Variants in TIAM1 observed in about 807,000 individuals in gnomAD.
The protein encoded by TIAM1 is TIAM Rac1 associated GEF 1, also known as rho guanine nucleotide exchange factor TIAM1.
Under a neutral mutation model 163.5 loss-of-function variants are expected in TIAM1, and 65 were observed. That is an observed-to-expected ratio of 0.40 (90% CI 0.33 to 0.49). The LOEUF (loss-of-function observed/expected upper bound fraction) is 0.49, where lower values mean the gene tolerates loss of function less well. TIAM1 is among the 20% of genes least tolerant of loss of function. The pLI, the probability that TIAM1 is intolerant of heterozygous loss-of-function variation, is 0.77. For missense variants in TIAM1, 1,789 were observed against 2,044.7 expected (o/e 0.87, Z 2.41); for synonymous variants, 833 against 810.1 (o/e 1.03, Z -0.48).
chr21:31,451,610 T>C (rs1433239797), intron 2 of TIAM1, among the ~76,000 whole-genome samples: 2 of 151,936 alleles, frequency 1.3e-5, no homozygotes, highest in Non-Finnish European at 2.9e-5. Flanking sequence ...ACAGACAAGC[T>C]CCAAACCAAC....
chr21:31,368,047 CAA>C (rs2076530354), intron 2 of TIAM1, among the ~76,000 whole-genome samples: 1 of 152,108 alleles, frequency 6.6e-6, no homozygotes, highest in African/African-American at 2.4e-5. Flanking sequence ...AACTTCATAC[CAA>C]GTTTCACTTT....
intron 6 of TIAM1, among the ~76,000 whole-genome samples, chr21:31,227,582 A>G (rs2088062063): frequency 6.6e-6 from 1 of 151,938 alleles, no homozygotes; most frequent in South Asian, 2.1e-4. Context: ...CACTTTGTAA[A>G]GACTGAGTGG....
chr21:31,346,271 T>C (rs556074207), upstream of TIAM1, among the ~76,000 whole-genome samples: 1 of 152,274 alleles, frequency 6.6e-6, no homozygotes, highest in South Asian at 2.1e-4. Flanking sequence ...ATCTATTCCA[T>C]ATAGCATCAT....
chr21:31,433,785 T>A (rs1326368124), intron 2 of TIAM1, among the ~76,000 whole-genome samples: 1 of 152,192 alleles, frequency 6.6e-6, no homozygotes, highest in Non-Finnish European at 1.5e-5. Flanking sequence ...TAACTGAACC[T>A]TAATATTTCT....
chr21:31,256,405 G>C (rs765967081), intron 4 of TIAM1, among the ~76,000 whole-genome samples: 4 of 152,092 alleles, frequency 2.6e-5, no homozygotes, highest in Admixed American at 6.6e-5. Context: ...GATAGATCCA[G>C]CTTGAATACA....
intron 15 of TIAM1, among the ~76,000 whole-genome samples, chr21:31,166,881 A>C (rs1779855248): frequency 6.6e-6 from 1 of 152,178 alleles, no homozygotes; most frequent in African/African-American, 2.4e-5. Flanking sequence ...GAACCACAGC[A>C]TCCTCAGTGG....
chr21:31,440,309 G>A (rs1232708186), intron 2 of TIAM1, among the ~76,000 whole-genome samples: 1 of 152,116 alleles, frequency 6.6e-6, no homozygotes, highest in Non-Finnish European at 1.5e-5. Context: ...TATAATTTCA[G>A]TGTGCTCAAA....
Position 31,217,622 on chromosome 21 carries a change from GCTCCTT to G in TIAM1, c.2067_2072del (p.Ser691_Arg692del). The G allele has an allele frequency of 1.2e-6, 2 of 1,614,066 alleles. No homozygotes were observed. The highest frequency in any genetic ancestry group is 8.5e-7 in the Non-Finnish European group (1 of 1,180,002). On this transcript the variant is annotated inframe_deletion, in exon 9 of 28. Coordinates refer to ENST00000541036, the MANE Select transcript of TIAM1 (RefSeq NM_001353694.2). Reference sequence around the variant, plus strand: ...CCAGACCCCACAGAGAAGAAAACCTGCTCCTTCGCTTGCTCGCGGATCTGGACATGG... The same window carrying G: ...CCAGACCCCACAGAGAAGAAAACCTGCGCTTGCTCGCGGATCTGGACATGG...
intron 9 of TIAM1, among the ~76,000 whole-genome samples, chr21:31,216,258 C>G (rs2087203250): frequency 6.6e-6 from 1 of 152,220 alleles, no homozygotes; most frequent in Non-Finnish European, 1.5e-5. Flanking sequence ...AATCTCTTTT[C>G]TAAAATTCAT....
chr21:31,195,674 AATAAG>A (rs1308649511), intron 12 of TIAM1, among the ~76,000 whole-genome samples: 2 of 152,230 alleles, frequency 1.3e-5, no homozygotes, highest in African/African-American at 4.8e-5. Context: ...AATTCATGGA[AATAAG>A]ATAAATCTCT....
At chr21:31,332,043 T>A (rs2075692988) in intron 2 of TIAM1, among the ~76,000 whole-genome samples, 1 of 152,224 alleles carries the variant, frequency 6.6e-6, no homozygotes. Flanking sequence ...CAAAATGGTA[T>A]ATTTTCCCAT....
At chr21:31,554,670 G>C (rs778965060) in intron 1 of TIAM1, among the ~76,000 whole-genome samples, 2 of 152,206 alleles carry the variant, frequency 1.3e-5, no homozygotes, top group African/African-American at 4.8e-5. Context: ...TCTGAAAGCA[G>C]ACAATTGATC....
At position 31,256,624 on chromosome 21, in the gene TIAM1, C is replaced by CG. The variant is rs1569115764; in HGVS notation, c.964-4436_964-4435insC. 1.7e-3 allele frequency among the ~76,000 whole-genome samples: 253 copies of CG among 149,522 alleles called. 2 individuals carry two copies. Among genetic ancestry groups the CG allele is most frequent in the African/African-American group, 6.1e-3 (242 of 39,402 alleles). ...ACACACACACACACACACACACACA[C>CG]ACACGTATATTATCTTTGGCTCTCA... On this transcript the variant is annotated intron_variant, in intron 4 of 27. Transcript: ENST00000541036.
chr21:31,233,889 C>G (rs1235760750), intron 6 of TIAM1, among the ~76,000 whole-genome samples: 2 of 152,182 alleles, frequency 1.3e-5, no homozygotes, highest in Non-Finnish European at 2.9e-5. Flanking sequence ...CAGATGGCAG[C>G]CTGCCTGAGG....
At chr21:31,240,257 C>T (rs184984283) in intron 6 of TIAM1, among the ~76,000 whole-genome samples, 2 of 152,266 alleles carry the variant, frequency 1.3e-5, no homozygotes, top group East Asian at 1.9e-4. Flanking sequence ...AAGAGCCATT[C>T]CTTCACAAAA....
At chr21:31,436,217 C>T (rs73195589) in intron 2 of TIAM1, among the ~76,000 whole-genome samples, 18,503 of 152,124 alleles carry the variant, frequency 0.12, 1,901 homozygotes, top group African/African-American at 0.27. Flanking sequence ...TGCAGGCTCC[C>T]CCAAGGACAA....
chr21:31,380,346 C>T (rs183867514), intron 2 of TIAM1, among the ~76,000 whole-genome samples: 63 of 151,942 alleles, frequency 4.1e-4, no homozygotes, highest in African/African-American at 1.2e-3. Context: ...GAGTTCGAGA[C>T]CAGCCTGTCC....
chr21:31,199,068 A>G (rs2250869), intron 12 of TIAM1, among the ~76,000 whole-genome samples: 26,745 of 152,184 alleles, frequency 0.18, 3,461 homozygotes, highest in East Asian at 0.41. Context: ...TTATTAAATC[A>G]ATAATGTTGC....
At chr21:31,520,555 A>C (rs1308441020) in intron 1 of TIAM1, among the ~76,000 whole-genome samples, 1 of 152,220 alleles carries the variant, frequency 6.6e-6, no homozygotes, top group Non-Finnish European at 1.5e-5. Flanking sequence ...TGCTGTCCTA[A>C]GGCAGGCCAA....
Sources: gnomAD v4.1 joint callset for allele counts (sites outside exome capture counted in the v4.1 genomes callset) on GRCh38, gnomAD v4.1.1 for gene constraint, MANE v1.5 for transcripts, NCBI Gene and HGNC (gene_info 2026-07-23, HGNC 2026-07-21) for gene names.